The following ADAM32 variants were observed in gnomAD, a reference collection of about 807,000 sequenced individuals.
ADAM32 encodes disintegrin and metalloproteinase domain-containing protein 32.
ADAM32 carries 89 observed loss-of-function variants against 114.9 expected under a neutral mutation model. That is an observed-to-expected ratio of 0.77 (90% CI 0.65 to 0.92). The LOEUF is 0.92. ADAM32 is among the 40% of genes least tolerant of loss of function. The probability of loss-of-function intolerance (pLI) is 0.00; values close to 1 mark genes in which losing one functional copy is unlikely to be tolerated. For synonymous variants in ADAM32, 285 were observed against 307.5 expected (o/e 0.93, Z 0.77); for missense variants, 870 against 932.8 (o/e 0.93, Z 0.88).
At chr8:39,261,536 C>T (rs533716457) in intron 19 of ADAM32, among the ~76,000 whole-genome samples, 3 of 152,258 alleles carry the variant, frequency 2.0e-5, no homozygotes, top group South Asian at 2.1e-4. Context: ...AATGTCTCTT[C>T]GATACAATGG....
At chr8:39,235,701 G>C (rs1361357318) in intron 16 of ADAM32, among the ~76,000 whole-genome samples, 1 of 152,142 alleles carries the variant, frequency 6.6e-6, no homozygotes, top group Non-Finnish European at 1.5e-5. Context: ...TATTGTTTCT[G>C]TAAGTTAGTG....
intron 1 of ADAM32, among the ~76,000 whole-genome samples, chr8:39,116,836 C>T (rs1588463264): frequency 6.6e-6 from 1 of 151,940 alleles, no homozygotes; most frequent in Non-Finnish European, 1.5e-5. Flanking sequence ...AAAAGGCTTT[C>T]AACTTTTCCC....
intron 10 of ADAM32, among the ~76,000 whole-genome samples, chr8:39,171,235 A>G (rs988444548): frequency 1.3e-5 from 2 of 152,124 alleles, no homozygotes; most frequent in African/African-American, 4.8e-5. Context: ...ATGAGCCACC[A>G]TGCCTGGCCA....
chr8:39,249,939 G>A (rs1024062829), intron 17 of ADAM32, among the ~76,000 whole-genome samples: 1 of 152,074 alleles, frequency 6.6e-6, no homozygotes, highest in Admixed American at 6.5e-5. Flanking sequence ...GAGAAGTCCA[G>A]TATAATTTTT....
Position 39,211,214 on chromosome 8 carries a change from G to A in ADAM32, c.1123G>A (p.Gly375Ser). 1 of 1,605,890 alleles carries A rather than the reference G, an allele frequency of 6.2e-7. No homozygotes were observed. The highest frequency in any genetic ancestry group is 1.1e-5 in the South Asian group (1 of 89,460). ...CTTTCAAAATTTCATTTCAAATGTG[G>A]GTGTCAAATGTCTTCAGAATAAGCC... ...RSFQNFISNV[G>S]VKCLQNKPQM... is the part of the protein sequence containing the mutation. Residue 375 changes from glycine to serine, a missense_variant, in exon 12 of 25, where the codon GGT becomes AGT. Coordinates refer to ENST00000379907, the MANE Select transcript of ADAM32 (RefSeq NM_145004.7).
intron 7 of ADAM32, among the ~76,000 whole-genome samples, chr8:39,161,309 T>C (rs1804496586): frequency 6.6e-6 from 1 of 152,216 alleles, no homozygotes; most frequent in South Asian, 2.1e-4. Context: ...CAGAATGTAG[T>C]CTAGGGAACA....
intron 16 of ADAM32, among the ~76,000 whole-genome samples, chr8:39,241,238 T>C (rs549243083): frequency 6.6e-6 from 1 of 152,326 alleles, no homozygotes; most frequent in South Asian, 2.1e-4. Flanking sequence ...CTTTGCAGGG[T>C]ATAGCCTCCT....
At position 39,107,831 on chromosome 8, in the gene ADAM32, C is replaced by A; in HGVS notation, c.56C>A (p.Pro19His). The change falls in exon 1 of 25, where the codon CCC becomes CAC. Residue 19 changes from proline (P) to histidine (H), a missense_variant and splice_region_variant. Physicochemically the swap from Pro to His is moderately conservative, Grantham distance 77. Transcript: ENST00000379907. ...CTCTGCGGCCTCCTGGCGTCAAGAC[C>A]CGGTGAGCCAGCCCAGACCCTGACA... is the stretch of plus-strand genomic sequence containing the variant. ...AGLCGLLASR[P>H]GFQNSLLQIV... The A allele has an allele frequency of 6.5e-7, 1 of 1,545,030 alleles. No individual in the cohort carries two copies. Among genetic ancestry groups the A allele is most frequent in the Non-Finnish European group, 8.7e-7 (1 of 1,144,294 alleles).
chr8:39,267,162 C>G (rs929119722), intron 19 of ADAM32, among the ~76,000 whole-genome samples: 1 of 152,166 alleles, frequency 6.6e-6, no homozygotes, highest in African/African-American at 2.4e-5. Flanking sequence ...CCCATTTGTG[C>G]ATGCTGGCAG....
intron 2 of ADAM32, among the ~76,000 whole-genome samples, chr8:39,129,412 A>G (rs1408755836): frequency 2.0e-5 from 3 of 151,636 alleles, no homozygotes; most frequent in African/African-American, 7.3e-5. Context: ...TTTATTGTAA[A>G]CGTTTATTGG....
chr8:39,234,260 C>T (rs1263301188), intron 16 of ADAM32, among the ~76,000 whole-genome samples, 178 bp downstream of exon 16: 1 of 150,238 alleles, frequency 6.7e-6, no homozygotes, highest in African/African-American at 2.5e-5. Flanking sequence ...CATCGCACCC[C>T]ACCCCCTCCC....
chr8:39,208,759 A>G (rs1808018956), intron 11 of ADAM32, among the ~76,000 whole-genome samples: 1 of 152,182 alleles, frequency 6.6e-6, no homozygotes, highest in Admixed American at 6.5e-5. Flanking sequence ...TTCTGCTGCC[A>G]GATGTACTGG....
chr8:39,109,063 A>C (rs1282178308), intron 1 of ADAM32, among the ~76,000 whole-genome samples: 1 of 152,254 alleles, frequency 6.6e-6, no homozygotes, highest in African/African-American at 2.4e-5. Context: ...TGTGGGATAC[A>C]TTCAGTTCAT....
intron 22 of ADAM32, among the ~76,000 whole-genome samples, chr8:39,277,944 G>A (rs1229587704): frequency 6.6e-6 from 1 of 152,244 alleles, no homozygotes; most frequent in Non-Finnish European, 1.5e-5. Flanking sequence ...AAGGGACAGT[G>A]TGACAGCCTT....
intron 11 of ADAM32, among the ~76,000 whole-genome samples, chr8:39,196,891 T>C (rs1807046646): frequency 6.6e-6 from 1 of 152,128 alleles, no homozygotes; most frequent in Non-Finnish European, 1.5e-5. Context: ...TTCTTTGATG[T>C]TTTGGAATAG....
chr8:39,284,829 C>T lies in ADAM32; in HGVS notation c.*30C>T, dbSNP rs1554632284. The T allele has an allele frequency of 1.9e-6, 3 of 1,612,154 alleles. No individual in the cohort carries two copies. Among genetic ancestry groups the T allele is most frequent in the East Asian group, 2.2e-5 (1 of 44,848 alleles). On this transcript the variant is annotated 3_prime_UTR_variant, in exon 25 of 25. Transcript: ENST00000379907. The stretch of plus-strand genomic sequence containing the variant: ...TCCTTCAGAAGGCAACGGATAACAT[C>T]GAGAGTCTCGCTAAGAAATGAAAAT...
At chr8:39,261,591 C>T (rs1812031693) in intron 19 of ADAM32, among the ~76,000 whole-genome samples, 1 of 152,176 alleles carries the variant, frequency 6.6e-6, no homozygotes, top group Non-Finnish European at 1.5e-5. Flanking sequence ...ATTGCTGGTT[C>T]ATATGGTAGT....
chr8:39,191,170 T>G (rs1007812683), intron 11 of ADAM32, among the ~76,000 whole-genome samples: 18 of 152,252 alleles, frequency 1.2e-4, no homozygotes, highest in African/African-American at 4.3e-4. Flanking sequence ...GCATTTAGGT[T>G]AACTTCATGT....
chr8:39,203,652 G>A (rs1009953468), intron 11 of ADAM32, among the ~76,000 whole-genome samples: 2 of 152,186 alleles, frequency 1.3e-5, no homozygotes, highest in Non-Finnish European at 2.9e-5. Flanking sequence ...ATATTGTTAT[G>A]TGTGAATTTG....
Sources: gnomAD v4.1 joint callset for allele counts (sites outside exome capture counted in the v4.1 genomes callset) on GRCh38, gnomAD v4.1.1 for gene constraint, MANE v1.5 for transcripts, NCBI Gene and HGNC (gene_info 2026-07-23, HGNC 2026-07-21) for gene names.